The following OSBPL10 variants were observed in gnomAD, a reference collection of about 807,000 sequenced individuals.
OSBPL10 encodes oxysterol-binding protein-related protein 10.
Under a neutral mutation model 81.7 loss-of-function variants are expected in OSBPL10, and 49 were observed. That is an observed-to-expected ratio of 0.60 (90% CI 0.48 to 0.76). The LOEUF (loss-of-function observed/expected upper bound fraction) is 0.76, where lower values mean the gene tolerates loss of function less well. Among genes scored for constraint, OSBPL10 ranks in the 30% least tolerant of loss-of-function variants. The pLI is 0.00. For synonymous variants in OSBPL10, 419 were observed against 383.6 expected, an observed-to-expected ratio of 1.09 and a Z score of -1.08; for missense variants, 923 against 987.8, an observed-to-expected ratio of 0.93 and a Z score of 0.88.
chr3:31,783,146 T>TATATAC (rs1485968747), intron 4 of OSBPL10, among the ~76,000 whole-genome samples: 19 of 112,998 alleles, frequency 1.7e-4, no homozygotes, highest in African/African-American at 6.5e-4. Flanking sequence ...TATATATATA[T>TATATAC]ACACACACAC....
At chr3:32,068,418 C>G (rs536802449) in intron 1 of OSBPL10, among the ~76,000 whole-genome samples, 5 of 152,146 alleles carry the variant, frequency 3.3e-5, no homozygotes, top group Admixed American at 1.3e-4. Flanking sequence ...TCCCCACCCC[C>G]CTTCTCCGTG....
At chr3:31,671,249 AAC>A (rs1393054365) in intron 8 of OSBPL10, among the ~76,000 whole-genome samples, 3 of 152,204 alleles carry the variant, frequency 2.0e-5, no homozygotes, top group East Asian at 3.9e-4. Context: ...ACAAAATTGT[AAC>A]AGTGATAAAG....
intron 1 of OSBPL10, among the ~76,000 whole-genome samples, chr3:31,921,854 C>A (rs1447381476): frequency 6.6e-6 from 1 of 152,172 alleles, no homozygotes; most frequent in Non-Finnish European, 1.5e-5. Context: ...TCAACAGCAA[C>A]AATTACAAAT....
rs1227181694 is a variant in OSBPL10, at chr3:31,837,354, TATATATATATATATATATATAGTA to T, written c.538-7147_538-7124del. 1.4e-3 allele frequency among the ~76,000 whole-genome samples: 42 copies of T among 30,858 alleles called. 1 individual carries two copies. The highest frequency in any genetic ancestry group is 0.012 in the East Asian group (7 of 608). The allele number at this position is 30,858 out of a possible 152,430, so 20.2% of individuals were successfully genotyped here. ...ATATATATATATATATATATATATA[TATATATATATATATATATATAGTA>T]AGTAACATAACACAGAGACCTTTAA... On this transcript the variant is annotated intron_variant, in intron 3 of 11. Transcript: ENST00000396556.
At chr3:32,033,527 T>C (rs1438209096) in intron 2 of OSBPL10, among the ~76,000 whole-genome samples, 1 of 152,126 alleles carries the variant, frequency 6.6e-6, no homozygotes, top group South Asian at 2.1e-4. Flanking sequence ...ATTAGAAAAT[T>C]TATAAGAATA....
intron 5 of OSBPL10, among the ~76,000 whole-genome samples, chr3:31,735,970 T>A (rs1697145746): frequency 6.6e-6 from 1 of 152,034 alleles, no homozygotes; most frequent in Non-Finnish European, 1.5e-5. Context: ...TAGCAAAGAG[T>A]GTACGCTCAG....
At position 31,981,172 on chromosome 3, in the gene OSBPL10, C is replaced by A; in HGVS notation, c.8G>T (p.Arg3Met). The change falls in exon 1 of 12, where the codon AGG becomes ATG. Residue 3 changes from arginine to methionine, a missense_variant. Coordinates refer to ENST00000396556, the MANE Select transcript of OSBPL10 (RefSeq NM_017784.5). This position sits in a 1 kb window ranked among gnomAD's most constrained non-coding sequence, Gnocchi z 4.5. Reference sequence around the variant, plus strand: ...GCCGCCGTCTGTGCCCTGGACTGCCCTCTCCATGGTCCGTGGGCGCCCGGG... The same window carrying A: ...GCCGCCGTCTGTGCCCTGGACTGCCATCTCCATGGTCCGTGGGCGCCCGGG... ME[R>M]AVQGTDGGGG... The A allele has an allele frequency of 6.8e-7, 1 of 1,477,106 alleles. No homozygotes were observed. The highest frequency in any genetic ancestry group is 8.9e-7 in the Non-Finnish European group (1 of 1,119,068). 91.5% of individuals were successfully genotyped at this position (1,477,106 alleles called of 1,614,324 possible).
chr3:32,074,052 G>A (rs1333447844), intron 1 of OSBPL10, among the ~76,000 whole-genome samples: 4 of 151,980 alleles, frequency 2.6e-5, no homozygotes, highest in Admixed American at 2.0e-4. Flanking sequence ...GCAAAGAATT[G>A]TTGGCTATGC....
chr3:31,663,077 G>C (rs966054627), intron 11 of OSBPL10: 1 of 985,422 alleles, frequency 1.0e-6, no homozygotes. Context: ...ATCCACCCCA[G>C]TTACCTACTA....
At chr3:31,997,390 A>G (rs9823951) in intron 2 of OSBPL10, among the ~76,000 whole-genome samples, 64,827 of 150,848 alleles carry the variant, frequency 0.43, 17,290 homozygotes, top group East Asian at 0.76. Flanking sequence ...TCAGCCTCCC[A>G]AGTCACTGGG....
At chr3:31,786,757 A>G (rs752954860) in intron 4 of OSBPL10, among the ~76,000 whole-genome samples, 9 of 152,168 alleles carry the variant, frequency 5.9e-5, no homozygotes, top group Non-Finnish European at 1.3e-4. Context: ...AAGCACTTTA[A>G]AAGTTTTGGT....
At position 31,733,332 on chromosome 3, in the gene OSBPL10, T is replaced by A; in HGVS notation, c.1020A>T (p.Ser340=). The A allele has an allele frequency of 6.2e-7, 1 of 1,613,730 alleles. No homozygotes were observed. The highest frequency in any genetic ancestry group is 8.5e-7 in the Non-Finnish European group (1 of 1,179,936). Residue 340 remains serine, a synonymous_variant, in exon 6 of 12, where the codon TCA becomes TCT. Coordinates refer to ENST00000396556, the MANE Select transcript of OSBPL10 (RefSeq NM_017784.5). Reference sequence around the variant, plus strand: ...TTGCCCAGGTTATGTTGGCACTGGCTGATGGCAAAGAGCCAAGTGTCCCAT... The same window carrying A: ...TTGCCCAGGTTATGTTGGCACTGGCAGATGGCAAAGAGCCAAGTGTCCCAT... The part of the protein sequence containing the change: ...LKNGTLGSLP[S]ASANITWAIL...
chr3:32,056,424 G>A (rs1295530678), intron 1 of OSBPL10, among the ~76,000 whole-genome samples: 1 of 152,212 alleles, frequency 6.6e-6, no homozygotes, highest in South Asian at 2.1e-4. Context: ...GTTTACTTGG[G>A]ATAGTTTGCT....
At chr3:31,688,293 A>T (rs933404227) in intron 7 of OSBPL10, among the ~76,000 whole-genome samples, 2 of 149,328 alleles carry the variant, frequency 1.3e-5, no homozygotes, top group Admixed American at 6.7e-5. Flanking sequence ...TCACACACAC[A>T]CACACACACA....
At chr3:32,074,432 C>T (rs1458408141) in intron 1 of OSBPL10, among the ~76,000 whole-genome samples, 1 of 152,174 alleles carries the variant, frequency 6.6e-6, no homozygotes, top group African/African-American at 2.4e-5. Flanking sequence ...CTCTTTATCT[C>T]CAGAACCCAG....
chr3:31,994,843 T>C (rs774369817), intron 2 of OSBPL10, among the ~76,000 whole-genome samples: 6 of 152,192 alleles, frequency 3.9e-5, no homozygotes, highest in Non-Finnish European at 5.9e-5. Flanking sequence ...TCAACGTAGG[T>C]TCTTTCTATT....
intron 11 of OSBPL10, chr3:31,663,371 T>C (rs2125494770): frequency 1.0e-6 from 1 of 985,990 alleles, no homozygotes; most frequent in East Asian, 1.1e-4. Flanking sequence ...TTGATGTTGC[T>C]GGGTTCCTGT....
intron 1 of OSBPL10, among the ~76,000 whole-genome samples, chr3:32,061,804 T>G (rs77502448): frequency 0.018 from 1,587 of 90,652 alleles, 465 homozygotes; most frequent in East Asian, 0.15. Flanking sequence ...ATGCCTGACT[T>G]ATTTTTTTAT....
chr3:32,038,576 T>C (rs1282249866), intron 2 of OSBPL10, among the ~76,000 whole-genome samples: 2 of 152,054 alleles, frequency 1.3e-5, no homozygotes, highest in Non-Finnish European at 2.9e-5. Flanking sequence ...TCCACCTCGG[T>C]CTCCCAAAGT....
Sources: gnomAD v4.1 joint callset for allele counts (sites outside exome capture counted in the v4.1 genomes callset) on GRCh38, gnomAD v4.1.1 for gene constraint, Gnocchi (gnomAD v3.1) non-coding constraint, MANE v1.5 for transcripts, NCBI Gene and HGNC (gene_info 2026-07-23, HGNC 2026-07-21) for gene names.